CCDC102B: variants seen among roughly 807,000 people sequenced by gnomAD.
CCDC102B encodes coiled-coil domain-containing protein 102B.
Under a neutral mutation model 57.4 loss-of-function variants are expected in CCDC102B, and 75 were observed. The ratio of observed to expected loss-of-function variants is 1.31; its 90% confidence interval spans 1.08 to 1.58. The LOEUF (loss-of-function observed/expected upper bound fraction) is 1.58, where lower values mean the gene tolerates loss of function less well. Among genes scored for constraint, CCDC102B ranks in the 40% most tolerant of loss-of-function variants. CCDC102B has a pLI of 0.00. For missense variants in CCDC102B, 636 were observed against 582.6 expected (o/e 1.09, Z -0.94); for synonymous variants, 206 against 201.9 (o/e 1.02, Z -0.17).
intron 2 of CCDC102B, among the ~76,000 whole-genome samples, chr18:68,758,983 A>C (rs569471328): frequency 6.6e-6 from 1 of 151,816 alleles, no homozygotes; most frequent in Non-Finnish European, 1.5e-5. Flanking sequence ...TCAAATAAGA[A>C]ATAACAACAG....
chr18:68,879,832 T>G (rs2039609695), intron 5 of CCDC102B, among the ~76,000 whole-genome samples: 1 of 151,990 alleles, frequency 6.6e-6, no homozygotes, highest in African/African-American at 2.4e-5. Context: ...TTTACAAACC[T>G]TGAGCTAGAT....
chr18:68,970,818 G>A (rs780081272), intron 6 of CCDC102B, among the ~76,000 whole-genome samples: 2 of 151,970 alleles, frequency 1.3e-5, no homozygotes, highest in Non-Finnish European at 2.9e-5. Flanking sequence ...TAATAATTGG[G>A]AAGTAGGTAA....
intron 1 of CCDC102B, among the ~76,000 whole-genome samples, chr18:68,800,579 A>G (rs2035810027): frequency 6.6e-6 from 1 of 152,124 alleles, no homozygotes; most frequent in South Asian, 2.1e-4. Flanking sequence ...CTCAAAGAAA[A>G]TGTCATCACT....
chr18:69,039,528 T>C (rs17080120), intron 7 of CCDC102B, among the ~76,000 whole-genome samples: 11,359 of 151,940 alleles, frequency 0.075, 691 homozygotes, highest in African/African-American at 0.16. Flanking sequence ...ATTATATTGA[T>C]ATTTTAGATT....
At chr18:68,847,459 G>T (rs917139733) in intron 4 of CCDC102B, among the ~76,000 whole-genome samples, 1 of 151,772 alleles carries the variant, frequency 6.6e-6, no homozygotes, top group Admixed American at 6.6e-5. Flanking sequence ...TGCCACTAGT[G>T]TGCAGCACAG....
At chr18:68,987,192 A>G (rs2050746271) in intron 6 of CCDC102B, among the ~76,000 whole-genome samples, 1 of 152,236 alleles carries the variant, frequency 6.6e-6, no homozygotes, top group Non-Finnish European at 1.5e-5. Context: ...TACAGTAACC[A>G]AAGCAGCATG....
rs1208336050 is a variant in CCDC102B, at chr18:68,903,264, AT to A, written c.1263+5841del. On this transcript the variant is annotated intron_variant, in intron 6 of 7. Coordinates refer to ENST00000360242, the MANE Select transcript of CCDC102B (RefSeq NM_024781.3). ...TTAGATACCTCCCTGATCCTAAACC[AT>A]TTTTATGCTCTTACACTCCCTTTCC... Among the ~76,000 whole-genome samples the A allele has an allele frequency of 3.3e-5, 5 of 152,252 alleles. No homozygotes were observed. The South Asian group carries it at 8.3e-4, about 25-fold the overall frequency.
intron 6 of CCDC102B, among the ~76,000 whole-genome samples, chr18:68,911,517 C>A (rs1264840104): frequency 1.3e-5 from 2 of 150,346 alleles, no homozygotes; most frequent in South Asian, 4.2e-4. Flanking sequence ...CTTTGGGAGG[C>A]CGAGGCGGGC....
chr18:69,022,884 G>C (rs1254641145), intron 7 of CCDC102B, among the ~76,000 whole-genome samples: 1 of 151,198 alleles, frequency 6.6e-6, no homozygotes, highest in Non-Finnish European at 1.5e-5. Flanking sequence ...CAGGGTCTTT[G>C]TTTCACTGTT....
intron 6 of CCDC102B, among the ~76,000 whole-genome samples, chr18:68,995,102 AT>A (rs1219551306): frequency 1.2e-4 from 19 of 152,188 alleles, no homozygotes; most frequent in Admixed American, 1.0e-3. Flanking sequence ...GACTTTTGCT[AT>A]GCTTTAGCAA....
At chr18:68,980,201 G>C (rs1315866977) in intron 6 of CCDC102B, among the ~76,000 whole-genome samples, 1 of 151,412 alleles carries the variant, frequency 6.6e-6, no homozygotes, top group Non-Finnish European at 1.5e-5. Flanking sequence ...CAGTGACTGG[G>C]ACCATTCTTA....
intron 6 of CCDC102B, among the ~76,000 whole-genome samples, chr18:68,965,242 C>A (rs1338119646): frequency 1.3e-5 from 2 of 151,810 alleles, no homozygotes; most frequent in African/African-American, 2.4e-5. Context: ...CTGTTCATTT[C>A]TTTTCAGTCT....
rs907716148 is a variant in CCDC102B, at chr18:68,821,206, A to T, written c.-15-15543A>T. On this transcript the variant is annotated intron_variant, in intron 1 of 7. Transcript: ENST00000360242. Reference sequence around the variant, plus strand: ...ATACTTAAGTCAGAAAAGAAAAAACACTAAAAATAAATTAGCCTCACTGGG... The same window carrying T: ...ATACTTAAGTCAGAAAAGAAAAAACTCTAAAAATAAATTAGCCTCACTGGG... 5.9e-5 allele frequency among the ~76,000 whole-genome samples: 9 copies of T among 152,074 alleles called. No individual in the cohort carries two copies. In the South Asian group the frequency reaches 1.0e-3, roughly 17 times the overall value.
At chr18:68,838,495 A>AT (rs1253123418) in intron 2 of CCDC102B, 48 of 984,470 alleles carry the variant, frequency 4.9e-5, no homozygotes, top group Non-Finnish European at 5.4e-5. Flanking sequence ...TGAGAAATGT[A>AT]TTTTTTTTAT....
chr18:68,911,607 C>G (rs1402633995), intron 6 of CCDC102B, among the ~76,000 whole-genome samples: 3 of 149,536 alleles, frequency 2.0e-5, no homozygotes, highest in East Asian at 2.0e-4. Context: ...AAAAAATTAG[C>G]CGGGCGTGGT....
chr18:69,044,102 A>C (rs114974361), intron 7 of CCDC102B, among the ~76,000 whole-genome samples: 1 of 152,244 alleles, frequency 6.6e-6, no homozygotes, highest in South Asian at 2.1e-4. Context: ...CCAACACTAC[A>C]TTGAAAGAAT....
chr18:69,046,382 G>A (rs1197856905), intron 7 of CCDC102B, among the ~76,000 whole-genome samples: 1 of 152,096 alleles, frequency 6.6e-6, no homozygotes, highest in Non-Finnish European at 1.5e-5. Context: ...CTTATTGGAT[G>A]CATGAATGTC....
chr18:68,926,866 G>A (rs1448323710), intron 6 of CCDC102B, among the ~76,000 whole-genome samples: 1 of 151,864 alleles, frequency 6.6e-6, no homozygotes, highest in African/African-American at 2.4e-5. Flanking sequence ...TAGATGATTT[G>A]TTTCTAAATA....
intron 5 of CCDC102B, among the ~76,000 whole-genome samples, chr18:68,885,098 A>G (rs1441463802): frequency 6.6e-6 from 1 of 152,004 alleles, no homozygotes; most frequent in Non-Finnish European, 1.5e-5. Flanking sequence ...TAGCCCAAAA[A>G]TAACAAAATG....
Sources: allele counts gnomAD v4.1 joint callset (sites outside exome capture counted in the v4.1 genomes callset), GRCh38; gene constraint gnomAD v4.1.1; transcripts MANE v1.5; gene names NCBI Gene and HGNC (gene_info 2026-07-23, HGNC 2026-07-21).